The following PXDNL variants were observed in gnomAD, a reference collection of about 807,000 sequenced individuals.
PXDNL encodes probable oxidoreductase PXDNL.
PXDNL carries 145 observed loss-of-function variants against 150.8 expected under a neutral mutation model. The ratio of observed to expected loss-of-function variants is 0.96; its 90% confidence interval spans 0.84 to 1.10. The LOEUF (loss-of-function observed/expected upper bound fraction) is 1.10, where lower values mean the gene tolerates loss of function less well. PXDNL is among the 50% of genes least tolerant of loss of function. The pLI is 0.00. For synonymous variants in PXDNL, 757 were observed against 725.7 expected, an observed-to-expected ratio of 1.04 and a Z score of -0.69; for missense variants, 2,087 against 1,873.9, an observed-to-expected ratio of 1.11 and a Z score of -2.10.
chr8:51,672,978 T>G (rs780986914), intron 1 of PXDNL, among the ~76,000 whole-genome samples: 7 of 152,084 alleles, frequency 4.6e-5, no homozygotes, highest in Non-Finnish European at 8.8e-5. Context: ...AGAAATAGAT[T>G]CAGATGGTGC....
intron 5 of PXDNL, among the ~76,000 whole-genome samples, chr8:51,488,622 G>T (rs1342799599): frequency 4.6e-5 from 7 of 152,190 alleles, no homozygotes; most frequent in Admixed American, 3.9e-4. Context: ...AATTTAGGAA[G>T]ATAAATCTGC....
chr8:51,337,052 A>G (rs890784559), intron 21 of PXDNL, among the ~76,000 whole-genome samples: 25 of 152,200 alleles, frequency 1.6e-4, no homozygotes, highest in Admixed American at 1.5e-3. Context: ...ACTATTAAGA[A>G]ATTAACAGTG....
chr8:51,485,388 A>C (rs1810706457), intron 5 of PXDNL, among the ~76,000 whole-genome samples: 1 of 152,050 alleles, frequency 6.6e-6, no homozygotes, highest in Non-Finnish European at 1.5e-5. Context: ...TCTTGACCAA[A>C]CTCTACTCAG....
chr8:51,669,158 G>A (rs895241391), intron 1 of PXDNL, among the ~76,000 whole-genome samples: 1 of 152,120 alleles, frequency 6.6e-6, no homozygotes, highest in African/African-American at 2.4e-5. Context: ...ACATTATGCT[G>A]AAAGAAATTT....
intron 1 of PXDNL, among the ~76,000 whole-genome samples, chr8:51,763,807 C>CA (rs1427513047): frequency 6.6e-6 from 1 of 152,178 alleles, no homozygotes; most frequent in East Asian, 1.9e-4. Flanking sequence ...CATGTTGTAG[C>CA]ATGAATTAAT....
intron 1 of PXDNL, among the ~76,000 whole-genome samples, chr8:51,695,174 T>C (rs551566015): frequency 3.3e-5 from 5 of 152,368 alleles, no homozygotes; most frequent in African/African-American, 1.2e-4. Context: ...ACAGCACTTT[T>C]ATTTAATCAT....
intron 17 of PXDNL, among the ~76,000 whole-genome samples, chr8:51,397,374 A>G (rs886612037): frequency 3.9e-5 from 6 of 152,202 alleles, no homozygotes; most frequent in African/African-American, 1.4e-4. Flanking sequence ...AATTGTTTAC[A>G]TAGTTCAAAT....
At chr8:51,360,504 CACA>C (rs1224613037) in intron 19 of PXDNL, among the ~76,000 whole-genome samples, 24 of 152,302 alleles carry the variant, frequency 1.6e-4, no homozygotes, top group African/African-American at 5.3e-4. Context: ...TATATATGTA[CACA>C]ACTACACATG....
In PXDNL at chr8:51,457,547, A is replaced by C. The variant is rs1422470303; in HGVS notation, c.933T>G (p.Ala311=). ...GVYQCMARNS[A]GEAKTQSAML... ...TGGCACTCTGTGTCTTGGCTTCCCCAGCGGAATTTCTGGCCATGCACTGAT... is the reference window on the plus strand; with the variant it reads ...TGGCACTCTGTGTCTTGGCTTCCCCCGCGGAATTTCTGGCCATGCACTGAT... Residue 311 remains alanine (A), a synonymous_variant, in exon 9 of 23, where the codon GCT becomes GCG. Transcript: ENST00000356297. 6.2e-7 allele frequency: 1 copy of C among 1,613,750 alleles called. No homozygotes were observed. Among genetic ancestry groups the C allele is most frequent in the African/African-American group, 1.3e-5 (1 of 74,974 alleles).
intron 3 of PXDNL, among the ~76,000 whole-genome samples, chr8:51,587,225 A>G (rs542177200): frequency 1.3e-5 from 2 of 152,176 alleles, no homozygotes; most frequent in African/African-American, 2.4e-5. Context: ...TGCAAATGCT[A>G]TTCTTAAGGG....
intron 14 of PXDNL, among the ~76,000 whole-genome samples, chr8:51,418,770 T>A (rs1055356524): frequency 1.3e-5 from 2 of 152,194 alleles, no homozygotes; most frequent in African/African-American, 4.8e-5. Flanking sequence ...AAATCTTCAA[T>A]CAGTTTAGTT....
At chr8:51,649,253 T>G (rs998314248) in intron 2 of PXDNL, among the ~76,000 whole-genome samples, 7 of 152,206 alleles carry the variant, frequency 4.6e-5, no homozygotes, top group African/African-American at 1.7e-4. Flanking sequence ...GACCCCAGCC[T>G]TGGTTTAATT....
chr8:51,629,726 A>C (rs1250015664), intron 2 of PXDNL, among the ~76,000 whole-genome samples: 1 of 152,204 alleles, frequency 6.6e-6, no homozygotes, highest in Non-Finnish European at 1.5e-5. Flanking sequence ...CAGCAGATTT[A>C]TCATCAGAAA....
chr8:51,696,609 C>T (rs926271830), intron 1 of PXDNL, among the ~76,000 whole-genome samples: 48 of 63,524 alleles, frequency 7.6e-4, no homozygotes, highest in African/African-American at 2.7e-3. Context: ...TCTGTGCCGA[C>T]AGGAAACACA....
intron 1 of PXDNL, among the ~76,000 whole-genome samples, chr8:51,724,917 C>G (rs189210551): frequency 2.6e-5 from 4 of 152,192 alleles, no homozygotes; most frequent in Non-Finnish European, 5.9e-5. Flanking sequence ...AATTGCTCCC[C>G]TCATCCAGGA....
intron 1 of PXDNL, among the ~76,000 whole-genome samples, chr8:51,674,250 A>T (rs1273659184): frequency 6.6e-6 from 1 of 152,190 alleles, no homozygotes; most frequent in African/African-American, 2.4e-5. Flanking sequence ...AGGCTTTGTG[A>T]ATCTGCTCAG....
At chr8:51,572,439 C>G (rs911845497) in intron 3 of PXDNL, among the ~76,000 whole-genome samples, 2 of 151,620 alleles carry the variant, frequency 1.3e-5, no homozygotes, top group South Asian at 2.1e-4. Context: ...AGAACATTAC[C>G]CTGAATGAAA....
At chr8:51,350,546 G>C (rs887785997) in intron 19 of PXDNL, among the ~76,000 whole-genome samples, 2 of 151,700 alleles carry the variant, frequency 1.3e-5, no homozygotes, top group Non-Finnish European at 2.9e-5. Context: ...GTAGAGACGG[G>C]GTTTCACTGT....
intron 1 of PXDNL, among the ~76,000 whole-genome samples, chr8:51,655,314 T>G (rs1162185211): frequency 6.6e-6 from 1 of 152,198 alleles, no homozygotes; most frequent in East Asian, 1.9e-4. Context: ...AGTCCACATC[T>G]TTTTTATTCA....
Sources: allele counts gnomAD v4.1 joint callset (sites outside exome capture counted in the v4.1 genomes callset), GRCh38; gene constraint gnomAD v4.1.1; transcripts MANE v1.5; gene names NCBI Gene and HGNC (gene_info 2026-07-23, HGNC 2026-07-21).